ZIM2: variants seen among roughly 807,000 people sequenced by gnomAD.
ZIM2 encodes the protein zinc finger protein 656.
A neutral mutation model predicts 38.6 loss-of-function variants in ZIM2; 14 were observed. The ratio of observed to expected loss-of-function variants is 0.36; its 90% CI spans 0.24 to 0.57. The LOEUF (loss-of-function observed/expected upper bound fraction) is 0.57. Ranked by LOEUF, ZIM2 falls within the 20% of genes least tolerant of loss-of-function variation. ZIM2 has a pLI of 0.81. For missense variants in ZIM2, 680 were observed against 695.1 expected (o/e 0.98, Z 0.24); for synonymous variants, 247 against 245.8 (o/e 1.00, Z -0.04).
At chr19:56,840,365 G>A (rs1395582296) in intron 1 of ZIM2, among the ~76,000 whole-genome samples, 1 of 152,186 alleles carries the variant, frequency 6.6e-6, no homozygotes, top group East Asian at 1.9e-4. Flanking sequence ...GCCCCAAAAA[G>A]GCACCAACCA....
At position 56,809,715 on chromosome 19, in the gene ZIM2, G is replaced by C. The variant is rs560826946; in HGVS notation, c.490+8031C>G. ...TAAACACTTGAGATTCTATAACATAGTATCAACACTTTTATGTTAAGGGTT... is the reference window on the plus strand; with the variant it reads ...TAAACACTTGAGATTCTATAACATACTATCAACACTTTTATGTTAAGGGTT... On this transcript the variant is annotated intron_variant, in intron 9 of 12. Coordinates refer to ENST00000629319, the MANE Select transcript of ZIM2 (RefSeq NM_001387356.1). 2.0e-5 allele frequency among the ~76,000 whole-genome samples: 3 copies of C among 152,194 alleles called. No homozygotes were observed. The South Asian group carries it at 6.2e-4, about 32-fold the overall frequency.
chr19:56,829,759 C>T (rs947125722), intron 2 of ZIM2, among the ~76,000 whole-genome samples: 3 of 152,232 alleles, frequency 2.0e-5, no homozygotes, highest in Non-Finnish European at 4.4e-5. Flanking sequence ...CTGAAATTTG[C>T]ACCTGCCAGG....
intron 7 of ZIM2, among the ~76,000 whole-genome samples, 187 bp downstream of exon 7, chr19:56,821,460 CAAAG>C (rs1394706741): frequency 6.6e-6 from 1 of 152,164 alleles, no homozygotes; most frequent in African/African-American, 2.4e-5. Context: ...ACATGAACGA[CAAAG>C]AAACAGCCAG....
At chr19:56,816,743 C>A (rs2060017302) in intron 9 of ZIM2, 3 of 1,614,118 alleles carry the variant, frequency 1.9e-6, no homozygotes, top group African/African-American at 2.7e-5. Context: ...TCCTTACACA[C>A]CCTGCACTCG....
At chr19:56,795,600 G>C (rs2047171413) in intron 9 of ZIM2, among the ~76,000 whole-genome samples, 1 of 152,216 alleles carries the variant, frequency 6.6e-6, no homozygotes, top group Non-Finnish European at 1.5e-5. Flanking sequence ...TCCTGGCCAA[G>C]TGCCCTGTGA....
chr19:56,775,019 C>T lies in ZIM2; in HGVS notation c.1346G>A (p.Gly449Asp), dbSNP rs772809419. The part of the protein sequence containing the change: ...QEDYFECFQC[G>D]KAFLQNVHLL... ...ATGCACATTCTGGAGAAAAGCTTTG[C>T]CGCACTGAAAACATTCAAAGTAGTC... Residue 449 changes from glycine to aspartate, a missense_variant, in exon 13 of 13, where the codon GGC becomes GAC. Coordinates refer to ENST00000629319, the MANE Select transcript of ZIM2 (RefSeq NM_001387356.1). 6.2e-6 allele frequency: 10 copies of T among 1,614,132 alleles called. 1 individual carries two copies. Among genetic ancestry groups the T allele is most frequent in the East Asian group, 4.5e-5 (2 of 44,866 alleles).
intron 8 of ZIM2, 79 bp from the exon 9 acceptor site, chr19:56,817,917 C>A: frequency 9.1e-7 from 1 of 1,094,036 alleles, no homozygotes; most frequent in South Asian, 1.4e-5. Flanking sequence ...CTTCATCTTT[C>A]ACTGAGCCAC....
At chr19:56,796,365 T>C (rs1372132471) in intron 9 of ZIM2, among the ~76,000 whole-genome samples, 2 of 152,230 alleles carry the variant, frequency 1.3e-5, no homozygotes, top group Admixed American at 6.5e-5. Flanking sequence ...TTGTGGTTTT[T>C]GGAACTTGGT....
At position 56,775,004 on chromosome 19, in the gene ZIM2, T is replaced by C; in HGVS notation, c.1361A>G (p.Gln454Arg). 1 of 1,614,206 alleles carries C rather than the reference T, an allele frequency of 6.2e-7. No homozygotes were observed. Among genetic ancestry groups the C allele is most frequent in the Non-Finnish European group, 8.5e-7 (1 of 1,180,034 alleles). The change falls in exon 13 of 13, where the codon CAG becomes CGG. Residue 454 changes from glutamine (Q) to arginine (R), a missense_variant. Gln to Arg is a conservative substitution (Grantham distance 43). Transcript: ENST00000629319. Reference sequence around the variant, plus strand: ...GAGATGTTGAAGAAGATGCACATTCTGGAGAAAAGCTTTGCCGCACTGAAA... The same window carrying C: ...GAGATGTTGAAGAAGATGCACATTCCGGAGAAAAGCTTTGCCGCACTGAAA... ...ECFQCGKAFL[Q>R]NVHLLQHLKA...
chr19:56,822,987 T>C, intron 5 of ZIM2, 151 bp from the exon 6 acceptor site: 1 of 1,025,566 alleles, frequency 9.8e-7, no homozygotes, highest in Non-Finnish European at 1.4e-6. Flanking sequence ...CCCAGGCTCA[T>C]CTGGCCCCTT....
At chr19:56,827,388 G>A (rs1568692315) in intron 2 of ZIM2, among the ~76,000 whole-genome samples, 1 of 151,974 alleles carries the variant, frequency 6.6e-6, no homozygotes, top group Non-Finnish European at 1.5e-5. Context: ...ATTGAAAAAT[G>A]GAAGTTATTT....
intron 7 of ZIM2, among the ~76,000 whole-genome samples, chr19:56,820,330 T>C (rs10418131): frequency 0.062 from 9,459 of 152,312 alleles, 962 homozygotes; most frequent in African/African-American, 0.22. Flanking sequence ...CTGCTGGTGT[T>C]ACCACCATAC....
At chr19:56,804,316 G>A (rs937618760) in intron 9 of ZIM2, among the ~76,000 whole-genome samples, 57 of 152,320 alleles carry the variant, frequency 3.7e-4, no homozygotes, top group African/African-American at 1.3e-3. Context: ...ACATCAGGTG[G>A]CAAAGGTGCT....
At chr19:56,838,118 C>A (rs1025967620) in intron 1 of ZIM2, among the ~76,000 whole-genome samples, 1 of 152,228 alleles carries the variant, frequency 6.6e-6, no homozygotes, top group Non-Finnish European at 1.5e-5. Context: ...ACAGAGTGGG[C>A]GGGGCCATGC....
rs751051797 is a variant in ZIM2, at chr19:56,775,043, TC to T, written c.1321del (p.Asp441ThrfsTer42). The T allele has an allele frequency of 6.2e-7, 1 of 1,614,156 alleles. No homozygotes were observed. Among genetic ancestry groups the T allele is most frequent in the South Asian group, 1.1e-5 (1 of 91,080 alleles). ...CERVRIHSQE[D>X]YFECFQCGKA... ...GCCGCACTGAAAACATTCAAAGTAG[TC>T]CTCCTGACTGTGAATTCTTACACGT... On this transcript the variant is annotated frameshift_variant, in exon 13 of 13. Transcript: ENST00000629319. LOFTEE classifies it low-confidence loss of function (END_TRUNC).
intron 10 of ZIM2, among the ~76,000 whole-genome samples, chr19:56,789,184 A>T (rs926658138): frequency 2.6e-5 from 4 of 152,154 alleles, no homozygotes; most frequent in African/African-American, 9.7e-5. Context: ...TATGCAAAAA[A>T]TTGTCTATCT....
intron 2 of ZIM2, among the ~76,000 whole-genome samples, chr19:56,832,074 T>C (rs749708799): frequency 2.0e-5 from 3 of 152,226 alleles, no homozygotes; most frequent in Non-Finnish European, 2.9e-5. Flanking sequence ...ATTCATAAAA[T>C]AGAGGAAATC....
intron 9 of ZIM2, chr19:56,816,978 G>A (rs2060038627): frequency 6.2e-7 from 1 of 1,614,162 alleles, no homozygotes; most frequent in Middle Eastern, 1.6e-4. Context: ...CAGCCACACT[G>A]TGGATAAAGG....
chr19:56,801,930 G>T (rs1327286605), intron 9 of ZIM2, among the ~76,000 whole-genome samples: 1 of 152,138 alleles, frequency 6.6e-6, no homozygotes, highest in African/African-American at 2.4e-5. Context: ...TAACTCACAG[G>T]ATACCTATCC....
Sources: gnomAD v4.1 joint callset for allele counts (sites outside exome capture counted in the v4.1 genomes callset) on GRCh38, gnomAD v4.1.1 for gene constraint, MANE v1.5 for transcripts, NCBI Gene and HGNC (gene_info 2026-07-23, HGNC 2026-07-21) for gene names.